LRBA: variants seen among roughly 807,000 people sequenced by gnomAD.
The protein encoded by LRBA is LPS responsive beige-like anchor protein, also known as lipopolysaccharide-responsive and beige-like anchor protein.
LRBA carries 176 observed loss-of-function variants against 330.0 expected under a neutral mutation model. That is an observed-to-expected ratio of 0.53 (90% CI 0.47 to 0.60). The LOEUF (loss-of-function observed/expected upper bound fraction) is 0.60. Ranked by LOEUF, LRBA falls within the 20% of genes least tolerant of loss-of-function variation. The pLI, the probability that LRBA is intolerant of heterozygous loss-of-function variation, is 0.00. For synonymous variants in LRBA, 1,230 were observed against 1,193.0 expected, an observed-to-expected ratio of 1.03 and a Z score of -0.64; for missense variants, 3,259 against 3,444.8, an observed-to-expected ratio of 0.95 and a Z score of 1.35.
chr4:151,014,708 G>A lies in LRBA; in HGVS notation c.-66C>T. On this transcript the variant is annotated 5_prime_UTR_variant, in exon 2 of 57. Transcript: ENST00000651943. ...ACGGCAGTCGCTGCACTGGTAATGA[G>A]CACAACACACGCAATGCAAAACGAA... 9.5e-7 allele frequency: 1 copy of A among 1,050,312 alleles called. No individual in the cohort carries two copies. 65.1% of individuals were successfully genotyped at this position (1,050,312 alleles called of 1,614,324 possible).
chr4:150,927,288 G>T (rs1733985771), intron 4 of LRBA, among the ~76,000 whole-genome samples: 1 of 151,396 alleles, frequency 6.6e-6, no homozygotes, highest in Non-Finnish European at 1.5e-5. Flanking sequence ...CAGGAGGATG[G>T]CATGAACCCG....
chr4:150,557,956 G>A (rs1767547524), intron 40 of LRBA, among the ~76,000 whole-genome samples: 1 of 151,996 alleles, frequency 6.6e-6, no homozygotes, highest in South Asian at 2.1e-4. Flanking sequence ...GGAGTGTAGT[G>A]GCGCAATCTT....
chr4:150,380,200 A>C lies in LRBA; in HGVS notation c.7195-30041T>G, dbSNP rs544165363. Among the ~76,000 whole-genome samples, 4 of 151,994 alleles carry C rather than the reference A, an allele frequency of 2.6e-5. No individual in the cohort carries two copies. The East Asian group carries it at 7.7e-4, about 29-fold the overall frequency. On this transcript the variant is annotated intron_variant, in intron 47 of 56. Coordinates refer to ENST00000651943, the MANE Select transcript of LRBA (RefSeq NM_001364905.1). ...GTCTCAAAAAAACAAAACAAAACAAAATAAAAACAAAAAACAATTAATGAT... is the reference window on the plus strand; with the variant it reads ...GTCTCAAAAAAACAAAACAAAACAACATAAAAACAAAAAACAATTAATGAT...
At chr4:150,917,170 T>C (rs1732724416) in intron 5 of LRBA, among the ~76,000 whole-genome samples, 1 of 151,598 alleles carries the variant, frequency 6.6e-6, no homozygotes, top group Non-Finnish European at 1.5e-5. Context: ...AAAATATATA[T>C]ATATCTGAAA....
At chr4:150,835,749 A>T in intron 28 of LRBA, among the ~76,000 whole-genome samples, 1 of 152,200 alleles carries the variant, frequency 6.6e-6, no homozygotes, top group Non-Finnish European at 1.5e-5. Context: ...ATCTGCAAAC[A>T]GGGACAATTT....
At chr4:150,474,289 A>T (rs1181355695) in intron 42 of LRBA, among the ~76,000 whole-genome samples, 1 of 152,102 alleles carries the variant, frequency 6.6e-6, no homozygotes, top group Non-Finnish European at 1.5e-5. Context: ...AAACTCAAGG[A>T]TTTATTTCTG....
At chr4:150,579,047 T>C (rs1770883839) in intron 40 of LRBA, 2 of 334,986 alleles carry the variant, frequency 6.0e-6, no homozygotes, top group Non-Finnish European at 5.9e-6. Context: ...AGACGGATTA[T>C]AACAAGAGAA....
chr4:150,715,103 C>G (rs1409473179), intron 36 of LRBA, among the ~76,000 whole-genome samples: 1 of 152,206 alleles, frequency 6.6e-6, no homozygotes, highest in Non-Finnish European at 1.5e-5. Flanking sequence ...ACACCTACAT[C>G]AGAACCGTTG....
At chr4:150,887,404 T>C (rs1729050752) in intron 17 of LRBA, among the ~76,000 whole-genome samples, 2 of 152,130 alleles carry the variant, frequency 1.3e-5, no homozygotes, top group African/African-American at 4.8e-5. Flanking sequence ...CTAATACTTA[T>C]TTCTTTGGAG....
chr4:150,617,824 G>A (rs901632100), intron 37 of LRBA, among the ~76,000 whole-genome samples: 4 of 151,278 alleles, frequency 2.6e-5, no homozygotes, highest in Non-Finnish European at 4.4e-5. Flanking sequence ...TGCACTGTTC[G>A]GCTAAGCACA....
At position 150,588,045 on chromosome 4, in the gene LRBA, C is replaced by T. The variant is rs1383084305; in HGVS notation, c.6330+3G>A. The T allele has an allele frequency of 1.2e-6, 2 of 1,611,176 alleles. No homozygotes were observed. The highest frequency in any genetic ancestry group is 4.5e-5 in the East Asian group (2 of 44,836). ...AAAAAATGAAACCCCTTCATCTTCT[C>T]ACCTTGGGGTCGATTTTTTTGAAGT... is the stretch of plus-strand genomic sequence containing the variant. On this transcript the variant is annotated splice_donor_region_variant and intron_variant, in intron 40 of 56. Coordinates refer to ENST00000651943, the MANE Select transcript of LRBA (RefSeq NM_001364905.1).
At chr4:150,284,577 C>T (rs991543579) in intron 54 of LRBA, among the ~76,000 whole-genome samples, 2 of 152,092 alleles carry the variant, frequency 1.3e-5, no homozygotes, top group Admixed American at 6.6e-5. Context: ...CTGTGTCACC[C>T]AGGCTGGAGT....
chr4:150,299,019 T>C (rs150452033), intron 53 of LRBA, among the ~76,000 whole-genome samples: 1 of 152,208 alleles, frequency 6.6e-6, no homozygotes, highest in African/African-American at 2.4e-5. Context: ...CTTGCTTATC[T>C]AAATAAGATC....
At chr4:150,384,101 C>T (rs1459198327) in intron 47 of LRBA, among the ~76,000 whole-genome samples, 4 of 151,814 alleles carry the variant, frequency 2.6e-5, no homozygotes, top group South Asian at 2.1e-4. Flanking sequence ...GTGCAATGTG[C>T]GATCTCAGCT....
chr4:150,472,744 T>C (rs1477090887), intron 42 of LRBA, among the ~76,000 whole-genome samples: 7 of 152,144 alleles, frequency 4.6e-5, no homozygotes, highest in African/African-American at 1.2e-4. Context: ...CATACATTAG[T>C]ATGTAGTCTT....
At chr4:150,757,052 TTATAAG>T (rs892029559) in intron 35 of LRBA, among the ~76,000 whole-genome samples, 17 of 152,192 alleles carry the variant, frequency 1.1e-4, no homozygotes, top group Admixed American at 1.3e-4. Context: ...AAATCTTTTA[TTATAAG>T]TATATGTATT....
chr4:150,841,239 T>G (rs934754731), intron 28 of LRBA, among the ~76,000 whole-genome samples: 3 of 152,234 alleles, frequency 2.0e-5, no homozygotes, highest in Non-Finnish European at 2.9e-5. Flanking sequence ...AAATTAGTTA[T>G]GCCAATCTAA....
chr4:150,591,434 T>G (rs1772813832), intron 38 of LRBA, among the ~76,000 whole-genome samples: 2 of 152,156 alleles, frequency 1.3e-5, no homozygotes, highest in Admixed American at 1.3e-4. Context: ...CTCTTCTTTA[T>G]CCACCCTCCC....
At chr4:150,267,820 G>A (rs1580841237) in intron 56 of LRBA, among the ~76,000 whole-genome samples, 1 of 152,102 alleles carries the variant, frequency 6.6e-6, no homozygotes, top group Non-Finnish European at 1.5e-5. Flanking sequence ...AGCACTTTGG[G>A]AGGCCAAGGT....
Sources: allele counts gnomAD v4.1 joint callset (sites outside exome capture counted in the v4.1 genomes callset), GRCh38; gene constraint gnomAD v4.1.1; transcripts MANE v1.5; gene names NCBI Gene and HGNC (gene_info 2026-07-23, HGNC 2026-07-21).